NIPAL2: variants seen among roughly 807,000 people sequenced by gnomAD.
The protein encoded by NIPAL2 is NIPA-like protein 2.
A neutral mutation model predicts 48.9 loss-of-function variants in NIPAL2; 43 were observed. The observed-to-expected ratio is 0.88, with a 90% CI of 0.69 to 1.13. The LOEUF (loss-of-function observed/expected upper bound fraction) is 1.13. Ranked by LOEUF, NIPAL2 falls within the 50% of genes most tolerant of loss-of-function variation. The pLI is 0.00. For missense variants in NIPAL2, 446 were observed against 461.4 expected (o/e 0.97, Z 0.31); for synonymous variants, 167 against 174.6 (o/e 0.96, Z 0.34).
chr8:98,214,077 A>C (rs903973061), intron 5 of NIPAL2, among the ~76,000 whole-genome samples: 12 of 152,190 alleles, frequency 7.9e-5, no homozygotes, highest in African/African-American at 2.9e-4. Flanking sequence ...ACTGTTCAAT[A>C]AATATTAATT....
chr8:98,280,755 T>TAGAGAGAGAGAGAGAGAG (rs1364661957), intron 1 of NIPAL2, among the ~76,000 whole-genome samples: 1 of 32,292 alleles, frequency 3.1e-5, no homozygotes, highest in Non-Finnish European at 7.2e-5. Context: ...TATATATATA[T>TAGAGAGAGAGAGAGAGAG]ATATATAGAG....
chr8:98,203,846 CTGTGTGTGTGTGTGTG>C (rs143170810), intron 7 of NIPAL2, among the ~76,000 whole-genome samples: 5 of 146,726 alleles, frequency 3.4e-5, no homozygotes, highest in South Asian at 2.2e-4. Flanking sequence ...TGGGTAGAGC[CTGTGTGTGTGTGTGTG>C]TGTGTGTGTG....
rs565033375 is a variant in NIPAL2 at position 98,235,995 on chromosome 8, G to A, written c.436+160C>T. Among the ~76,000 whole-genome samples the A allele has an allele frequency of 4.8e-4, 73 of 152,238 alleles. 1 individual carries two copies. The South Asian group carries it at 0.014, about 28-fold the overall frequency. On this transcript the variant is annotated intron_variant, in intron 4 of 10. Coordinates refer to ENST00000430223, the MANE Select transcript of NIPAL2 (RefSeq NM_001321635.2). ...AATGGAAGTATTTTATGCGAGAAGA[G>A]ATGGCAGCTCCAAGACAGAATAATG...
chr8:98,275,680 A>G (rs1013847847), intron 1 of NIPAL2, among the ~76,000 whole-genome samples: 1 of 152,144 alleles, frequency 6.6e-6, no homozygotes, highest in African/African-American at 2.4e-5. Context: ...CTGCCAAACT[A>G]TTTTTCAGAG....
intron 8 of NIPAL2, among the ~76,000 whole-genome samples, chr8:98,198,742 C>T (rs973686296): frequency 6.6e-6 from 1 of 152,228 alleles, no homozygotes; most frequent in African/African-American, 2.4e-5. Context: ...GTCATTTCTT[C>T]ACCTCTCTTA....
intron 1 of NIPAL2, among the ~76,000 whole-genome samples, chr8:98,278,087 C>A (rs1815587554): frequency 6.6e-6 from 1 of 152,098 alleles, no homozygotes; most frequent in Non-Finnish European, 1.5e-5. Context: ...TTACTCAGCA[C>A]TTTGATGTTA....
intron 8 of NIPAL2, among the ~76,000 whole-genome samples, chr8:98,199,145 AGGGTTTCTCTGTGTTGGTCAGGCT>A (rs1223285195): frequency 6.6e-6 from 1 of 151,858 alleles, no homozygotes; most frequent in African/African-American, 2.4e-5. Context: ...TAGTAGAGAC[AGGGTTTCTCTGTGTTGGTCAGGCT>A]GGTCTCGAAC....
At chr8:98,292,438 T>C (rs1441769641) in intron 1 of NIPAL2, among the ~76,000 whole-genome samples, 8 of 152,230 alleles carry the variant, frequency 5.3e-5, no homozygotes, top group Non-Finnish European at 1.2e-4. Context: ...CTTGATACAG[T>C]TTTATCTCAA....
intron 1 of NIPAL2, among the ~76,000 whole-genome samples, chr8:98,260,871 A>G (rs1427660590): frequency 6.6e-6 from 1 of 151,396 alleles, no homozygotes; most frequent in African/African-American, 2.4e-5. Context: ...GCAGACTTAA[A>G]TGTCCCTGTC....
chr8:98,251,831 G>A (rs918626380), intron 3 of NIPAL2: 30 of 152,126 alleles, frequency 2.0e-4, no homozygotes, highest in African/African-American at 7.0e-4. Flanking sequence ...AGCAGATAAA[G>A]AGTAAAACCA....
intron 1 of NIPAL2, among the ~76,000 whole-genome samples, chr8:98,282,727 G>C (rs1377789507): frequency 3.3e-5 from 5 of 152,278 alleles, no homozygotes; most frequent in Admixed American, 3.3e-4. Flanking sequence ...AAACATTGGA[G>C]ACAATCTGAA....
At chr8:98,244,886 CT>C (rs1443442756) in intron 3 of NIPAL2, among the ~76,000 whole-genome samples, 1 of 152,148 alleles carries the variant, frequency 6.6e-6, no homozygotes, top group African/African-American at 2.4e-5. Flanking sequence ...AGTTTGTGAA[CT>C]CTAATCTAGC....
At chr8:98,260,937 C>G (rs1024364650) in intron 1 of NIPAL2, among the ~76,000 whole-genome samples, 4 of 151,984 alleles carry the variant, frequency 2.6e-5, no homozygotes, top group African/African-American at 9.7e-5. Flanking sequence ...GATCTGAGAA[C>G]GGGCAGACTG....
chr8:98,239,761 C>T (rs4735544), intron 3 of NIPAL2, among the ~76,000 whole-genome samples: 3,700 of 152,072 alleles, frequency 0.024, 167 homozygotes, highest in Admixed American at 0.12. Flanking sequence ...AAAAAAAGAA[C>T]ATTCTATTAA....
intron 5 of NIPAL2, among the ~76,000 whole-genome samples, chr8:98,218,731 A>G (rs55772672): frequency 0.07 from 10,656 of 152,256 alleles, 493 homozygotes; most frequent in East Asian, 0.12. Context: ...ATAGATAAAG[A>G]GGTCCAATCT....
At chr8:98,212,599 C>A in intron 5 of NIPAL2, 98 bp from the exon 6 acceptor site, 1 of 646,354 alleles carries the variant, frequency 1.5e-6, no homozygotes, top group South Asian at 1.9e-5. Flanking sequence ...CTCATATGAG[C>A]GTTGAGGGTG....
At chr8:98,211,277 A>G (rs988652371) in intron 6 of NIPAL2, among the ~76,000 whole-genome samples, 1 of 152,100 alleles carries the variant, frequency 6.6e-6, no homozygotes, top group Non-Finnish European at 1.5e-5. Flanking sequence ...ATTCCTATTT[A>G]AAGTTGGCTT....
intron 4 of NIPAL2, among the ~76,000 whole-genome samples, chr8:98,235,690 A>C (rs1812672916): frequency 6.6e-6 from 1 of 151,652 alleles, no homozygotes. Context: ...CAACATACCA[A>C]CACTAGTGTC....
chr8:98,194,670 CA>C, intron 10 of NIPAL2, 57 bp downstream of exon 10: 1 of 894,382 alleles, frequency 1.1e-6, no homozygotes, highest in Non-Finnish European at 1.7e-6. Context: ...AAAATAATAC[CA>C]ATAACTATTC....
Sources: gnomAD v4.1 joint callset for allele counts (sites outside exome capture counted in the v4.1 genomes callset) on GRCh38, gnomAD v4.1.1 for gene constraint, MANE v1.5 for transcripts, NCBI Gene and HGNC (gene_info 2026-07-23, HGNC 2026-07-21) for gene names.